The following DMC1 variants were observed in gnomAD, a reference collection of about 807,000 sequenced individuals.
DMC1 encodes the protein meiotic recombination protein DMC1 homolog.
A neutral mutation model predicts 50.1 loss-of-function variants in DMC1; 27 were observed. That is an observed-to-expected ratio of 0.54 (90% CI 0.40 to 0.74). The LOEUF (loss-of-function observed/expected upper bound fraction) is 0.74. DMC1 is among the 30% of genes least tolerant of loss of function. DMC1 has a pLI of 0.00. For missense variants in DMC1, 295 were observed against 420.2 expected (o/e 0.70, Z 2.60); for synonymous variants, 148 against 136.1 (o/e 1.09, Z -0.61).
chr22:38,538,462 G>A (rs1313845248), intron 10 of DMC1, 53 bp from the exon 11 acceptor site: 18 of 1,602,904 alleles, frequency 1.1e-5, no homozygotes, highest in East Asian at 4.5e-5. Flanking sequence ...GAAGGAAGAC[G>A]TTATTTGAAT....
At chr22:38,516,494 C>A (rs1021223035), downstream of DMC1, among the ~76,000 whole-genome samples, 1 of 152,178 alleles carries the variant, frequency 6.6e-6, no homozygotes, top group Non-Finnish European at 1.5e-5. Flanking sequence ...TGGTCCACCC[C>A]CTCTCCAGGG....
At chr22:38,525,077 AT>A (rs1318689909) in intron 12 of DMC1, among the ~76,000 whole-genome samples, 3 of 151,852 alleles carry the variant, frequency 2.0e-5, no homozygotes, top group Non-Finnish European at 4.4e-5. Flanking sequence ...AAATAAATAA[AT>A]TAATTAATTA....
chr22:38,568,838 T>C (rs1462097415), intron 1 of DMC1, among the ~76,000 whole-genome samples: 4 of 152,206 alleles, frequency 2.6e-5, no homozygotes, highest in Admixed American at 2.6e-4. Context: ...TTTTGTTTCA[T>C]AGAACATTAG....
chr22:38,564,464 C>A (rs757660586), intron 4 of DMC1, among the ~76,000 whole-genome samples: 1 of 152,014 alleles, frequency 6.6e-6, no homozygotes, highest in Non-Finnish European at 1.5e-5. Flanking sequence ...CACCTGCCAC[C>A]ATGCCTGGCT....
intron 12 of DMC1, among the ~76,000 whole-genome samples, chr22:38,525,775 T>C (rs999270751): frequency 1.3e-5 from 2 of 151,926 alleles, no homozygotes; most frequent in African/African-American, 2.4e-5. Flanking sequence ...ACCCCATCTC[T>C]ACAAAAATAC....
chr22:38,550,946 A>AAAAAAG (rs2090399757), intron 7 of DMC1, among the ~76,000 whole-genome samples: 5 of 111,382 alleles, frequency 4.5e-5, no homozygotes, highest in African/African-American at 1.3e-4. Context: ...AAAAAAAAAA[A>AAAAAAG]AAAGAAAGAA....
At chr22:38,536,927 T>C (rs935333619) in intron 12 of DMC1, among the ~76,000 whole-genome samples, 1 of 152,232 alleles carries the variant, frequency 6.6e-6, no homozygotes, top group Non-Finnish European at 1.5e-5. Flanking sequence ...CTTGGCTCAC[T>C]GCAACCTCCG....
At chr22:38,536,676 C>T (rs2090216630) in intron 12 of DMC1, among the ~76,000 whole-genome samples, 1 of 151,966 alleles carries the variant, frequency 6.6e-6, no homozygotes, top group Non-Finnish European at 1.5e-5. Context: ...TTTTTATTTC[C>T]CTAGGATCTA....
At chr22:38,537,724 T>C (rs1602732265) in intron 11 of DMC1, 72 bp from the exon 12 acceptor site, 1 of 1,224,284 alleles carries the variant, frequency 8.2e-7, no homozygotes, top group African/African-American at 1.5e-5. Flanking sequence ...TTGTTTAGAT[T>C]TCAGAGTTTA....
chr22:38,551,856 C>CTTTTTTTTTTTTTTTTTTTTTTT, intron 7 of DMC1, among the ~76,000 whole-genome samples: 1 of 93,184 alleles, frequency 1.1e-5, no homozygotes, highest in Non-Finnish European at 2.1e-5. Context: ...GAACTCCTTT[C>CTTTTTTTTTTTTTTTTTTTTTTT]TTTTTTTTTT....
intron 9 of DMC1, 130 bp from the exon 10 acceptor site, chr22:38,538,742 A>T: frequency 1.2e-6 from 1 of 865,718 alleles, no homozygotes; most frequent in Non-Finnish European, 1.9e-6. Flanking sequence ...GACTTTATTA[A>T]ATATTATTGC....
chr22:38,551,851 C>T (rs1805973902), intron 7 of DMC1, among the ~76,000 whole-genome samples: 1 of 146,904 alleles, frequency 6.8e-6, no homozygotes, highest in African/African-American at 2.5e-5. Flanking sequence ...TTCCAGAACT[C>T]CTTTCTTTTT....
chr22:38,538,378 A>G lies in DMC1; in HGVS notation c.692T>C (p.Val231Ala). ...IIDSIMALFR[V>A]DFSGRGELAE... ...CAACTCCCCACGGCCACTGAAATCCACTCGAAAAAGTGCCATTATTGAATC... is the reference window on the plus strand; with the variant it reads ...CAACTCCCCACGGCCACTGAAATCCGCTCGAAAAAGTGCCATTATTGAATC... Residue 231 changes from valine to alanine, a missense_variant, in exon 11 of 14, where the codon GTG (valine) becomes GCG (alanine). Physicochemically the swap from Val to Ala is moderately conservative, Grantham distance 64. Coordinates refer to ENST00000216024, the MANE Select transcript of DMC1 (RefSeq NM_007068.4). 1.2e-6 allele frequency: 2 copies of G among 1,614,064 alleles called. No individual in the cohort carries two copies. The highest frequency in any genetic ancestry group is 1.7e-6 in the Non-Finnish European group (2 of 1,180,026).
chr22:38,525,853 T>A (rs2090082084), intron 12 of DMC1, among the ~76,000 whole-genome samples: 1 of 151,932 alleles, frequency 6.6e-6, no homozygotes, highest in South Asian at 2.1e-4. Flanking sequence ...CGCAGGAAGA[T>A]CTCTCAAGTC....
chr22:38,555,654 T>C (rs557605955), intron 5 of DMC1, among the ~76,000 whole-genome samples: 19 of 152,184 alleles, frequency 1.2e-4, no homozygotes, highest in African/African-American at 4.6e-4. Context: ...AGCCCTATCG[T>C]TCTTACTTCA....
chr22:38,527,452 AC>A (rs2145804986), intron 12 of DMC1, among the ~76,000 whole-genome samples: 1 of 147,016 alleles, frequency 6.8e-6, no homozygotes, highest in African/African-American at 2.5e-5. Context: ...TGATCCGCCC[AC>A]CTCGGCCTCC....
intron 6 of DMC1, among the ~76,000 whole-genome samples, chr22:38,553,227 G>C (rs759926274): frequency 1.3e-5 from 2 of 151,052 alleles, no homozygotes; most frequent in Non-Finnish European, 3.0e-5. Flanking sequence ...GGCCGGGCGC[G>C]GTGGCTTATG....
chr22:38,519,928 A>T lies in DMC1; in HGVS notation c.*92T>A. The T allele has an allele frequency of 9.5e-7, 1 of 1,048,654 alleles. No homozygotes were observed. Among genetic ancestry groups the T allele is most frequent in the Middle Eastern group, 2.0e-4 (1 of 4,912 alleles). The allele number at this position is 1,048,654 out of a possible 1,614,324, so 65.0% of individuals were successfully genotyped here. On this transcript the variant is annotated 3_prime_UTR_variant, in exon 14 of 14. Transcript: ENST00000216024. The stretch of plus-strand genomic sequence containing the variant: ...TTTTCTTTAGTAACATGTGGGAAAA[A>T]ACCTCTATTTCAAGATGTGAAATTG...
chr22:38,532,975 C>G (rs1199796905), intron 12 of DMC1, among the ~76,000 whole-genome samples: 1 of 152,064 alleles, frequency 6.6e-6, no homozygotes, highest in Admixed American at 6.6e-5. Context: ...AGTAGATTTT[C>G]AATAAATATT....
Sources: gnomAD v4.1 joint callset for allele counts (sites outside exome capture counted in the v4.1 genomes callset) on GRCh38, gnomAD v4.1.1 for gene constraint, MANE v1.5 for transcripts, NCBI Gene and HGNC (gene_info 2026-07-23, HGNC 2026-07-21) for gene names.